The following HDX variants were observed in gnomAD, a reference collection of about 807,000 sequenced individuals.
The protein encoded by HDX is highly divergent homeobox, also known as chromosome X open reading frame 43.
Under a neutral mutation model 45.2 loss-of-function variants are expected in HDX, and 19 were observed. That is an observed-to-expected ratio of 0.42 (90% CI 0.29 to 0.62). The LOEUF (loss-of-function observed/expected upper bound fraction) is 0.62. Among genes scored for constraint, HDX ranks in the 20% least tolerant of loss-of-function variants. The pLI is 0.20. For synonymous variants in HDX, 188 were observed against 172.8 expected, an observed-to-expected ratio of 1.09 and a Z score of -0.69; for missense variants, 532 against 493.9, an observed-to-expected ratio of 1.08 and a Z score of -0.73.
chrX:84,477,070 A>G (rs1054021801), intron 2 of HDX, among the ~76,000 whole-genome samples: 1 of 111,533 alleles, frequency 9.0e-6, no homozygotes, highest in Non-Finnish European at 1.9e-5. Flanking sequence ...TTTTTTTACT[A>G]TCATGGCTGC....
intron 5 of HDX, among the ~76,000 whole-genome samples, chrX:84,405,205 T>C (rs904131143): frequency 4.1e-4 from 45 of 110,766 alleles, no homozygotes; most frequent in African/African-American, 1.4e-3. Context: ...TCCAGTCTCA[T>C]GAAATTTAGT....
chrX:84,365,704 G>A (rs1288550184), intron 5 of HDX, among the ~76,000 whole-genome samples: 5 of 112,066 alleles, frequency 4.5e-5, no homozygotes, highest in African/African-American at 1.6e-4. Context: ...GGGTCTCCCA[G>A]TTTTCCCTGG....
chrX:84,488,907 T>C (rs1383858174), intron 1 of HDX, among the ~76,000 whole-genome samples: 3 of 112,121 alleles, frequency 2.7e-5, no homozygotes, highest in African/African-American at 9.7e-5. Flanking sequence ...ATCCTTTTTA[T>C]AGTTTCTCTT....
intron 8 of HDX, among the ~76,000 whole-genome samples, chrX:84,336,042 G>T (rs1443753398): frequency 1.8e-5 from 2 of 110,242 alleles, no homozygotes; most frequent in African/African-American, 6.6e-5. Flanking sequence ...TTTAGTGGCT[G>T]CAATCAAACA....
chrX:84,462,166 G>A (rs1188725348), intron 4 of HDX, among the ~76,000 whole-genome samples: 1 of 111,872 alleles, frequency 8.9e-6, no homozygotes, highest in Non-Finnish European at 1.9e-5. Flanking sequence ...AAAGGTATCA[G>A]TATTTATCCA....
chrX:84,446,867 C>T (rs2039884931), intron 4 of HDX, among the ~76,000 whole-genome samples: 1 of 111,959 alleles, frequency 8.9e-6, no homozygotes, highest in South Asian at 3.7e-4. Context: ...AGTGTGGTGG[C>T]CTGATCCCCA....
intron 7 of HDX, among the ~76,000 whole-genome samples, chrX:84,339,441 A>T (rs189396432): frequency 8.9e-6 from 1 of 111,761 alleles, no homozygotes; most frequent in Non-Finnish European, 1.9e-5. Context: ...ATAACTTTGT[A>T]CACAGTTCTC....
chrX:84,431,445 T>C (rs1200767450), intron 5 of HDX, among the ~76,000 whole-genome samples: 1 of 111,326 alleles, frequency 9.0e-6, no homozygotes, highest in Non-Finnish European at 1.9e-5. Flanking sequence ...CCACAATGGC[T>C]GCACTAATAG....
chrX:84,484,097 G>A (rs2040741687), intron 2 of HDX, among the ~76,000 whole-genome samples: 1 of 111,819 alleles, frequency 8.9e-6, no homozygotes, highest in Non-Finnish European at 1.9e-5. Context: ...TCTCTAGGAA[G>A]TTACAAATTT....
intron 7 of HDX, among the ~76,000 whole-genome samples, chrX:84,342,737 G>A (rs1038679070): frequency 9.0e-6 from 1 of 110,880 alleles, no homozygotes; most frequent in Non-Finnish European, 1.9e-5. Context: ...TAAACTATAA[G>A]GATACTAGAG....
intron 6 of HDX, among the ~76,000 whole-genome samples, chrX:84,351,047 C>A (rs1569288817): frequency 9.4e-6 from 1 of 106,923 alleles, no homozygotes; most frequent in Non-Finnish European, 1.9e-5. Context: ...ATCTATCTAT[C>A]TATCTATCAT....
chrX:84,467,395 G>A (rs1489836145), intron 4 of HDX, among the ~76,000 whole-genome samples: 1 of 110,901 alleles, frequency 9.0e-6, no homozygotes, highest in Non-Finnish European at 1.9e-5. Context: ...GGGAGGCTGA[G>A]GTGGGCGGAT....
chrX:84,415,569 C>T (rs776930243), intron 5 of HDX, among the ~76,000 whole-genome samples: 115 of 112,124 alleles, frequency 1.0e-3, no homozygotes, highest in African/African-American at 3.6e-3. Context: ...ATCAAAACGT[C>T]TTCCCCTTGT....
intron 5 of HDX, among the ~76,000 whole-genome samples, chrX:84,385,182 G>T (rs745909733): frequency 3.9e-5 from 2 of 51,818 alleles, no homozygotes; most frequent in Admixed American, 2.3e-4. Context: ...ATATATTTGT[G>T]TCATCTCTGA....
chrX:84,496,186 AC>A (rs1476978430), intron 1 of HDX, among the ~76,000 whole-genome samples: 1 of 112,048 alleles, frequency 8.9e-6, no homozygotes, highest in Non-Finnish European at 1.9e-5. Flanking sequence ...TCAGAATGGA[AC>A]AAAGCTGATC....
intron 5 of HDX, among the ~76,000 whole-genome samples, chrX:84,374,025 A>C (rs1396379574): frequency 9.1e-6 from 1 of 109,844 alleles, no homozygotes; most frequent in African/African-American, 3.3e-5. Flanking sequence ...GTCTCAGCCC[A>C]AAATCTCCTT....
chrX:84,494,874 A>G (rs1166079161), intron 1 of HDX, among the ~76,000 whole-genome samples: 1 of 111,677 alleles, frequency 9.0e-6, no homozygotes, highest in Non-Finnish European at 1.9e-5. Flanking sequence ...TATCTTGAAG[A>G]TATATCTGCA....
Position 84,375,275 on chromosome X carries a change from G to A in HDX, c.1306-13663C>T, listed in dbSNP as rs769161287. 1.3e-4 allele frequency among the ~76,000 whole-genome samples: 14 copies of A among 110,924 alleles called. No individual in the cohort carries two copies. In the South Asian group the frequency reaches 5.4e-3, roughly 43 times the overall value. On this transcript the variant is annotated intron_variant, in intron 5 of 10. Coordinates refer to ENST00000373177, the MANE Select transcript of HDX (RefSeq NM_001177479.2). ...TGCTGTAGAGGATGTGGAGAAATAGGGACACTTTTACACTGCTGGTGGGAC... is the reference window on the plus strand; with the variant it reads ...TGCTGTAGAGGATGTGGAGAAATAGAGACACTTTTACACTGCTGGTGGGAC...
At chrX:84,342,263 C>A (rs1332858206) in intron 7 of HDX, among the ~76,000 whole-genome samples, 1 of 111,468 alleles carries the variant, frequency 9.0e-6, no homozygotes, top group Non-Finnish European at 1.9e-5. Flanking sequence ...AAATTTAATA[C>A]AATGCCAAGA....
Sources: allele counts gnomAD v4.1 joint callset (sites outside exome capture counted in the v4.1 genomes callset), GRCh38; gene constraint gnomAD v4.1.1; transcripts MANE v1.5; gene names NCBI Gene and HGNC (gene_info 2026-07-23, HGNC 2026-07-21).